The following AK9 variants were observed in gnomAD, a reference collection of about 807,000 sequenced individuals.
AK9 encodes adenylate kinase 9.
A neutral mutation model predicts 239.6 loss-of-function variants in AK9; 191 were observed. The ratio of observed to expected loss-of-function variants is 0.80; its 90% CI spans 0.71 to 0.90. AK9 has a LOEUF of 0.90. AK9 is among the 40% of genes least tolerant of loss of function. The pLI, the probability that AK9 is intolerant of heterozygous loss-of-function variation, is 0.00. For synonymous variants in AK9, 689 were observed against 721.0 expected (o/e 0.96, Z 0.71); for missense variants, 1,995 against 2,214.7 (o/e 0.90, Z 1.99).
chr6:109,600,290 G>C (rs7454858), intron 17 of AK9, among the ~76,000 whole-genome samples: 88,096 of 151,556 alleles, frequency 0.58, 27,243 homozygotes, highest in South Asian at 0.84. Context: ...AGCATGAAGG[G>C]CTGTTGAATT....
chr6:109,531,088 C>T lies in AK9; in HGVS notation c.3571-2015G>A, dbSNP rs75435553. Reference sequence around the variant, plus strand: ...AAAGAAACTACCAGATACGGGATTGCCAAAGCATACAATGTGGTGGCTGCT... The same window carrying T: ...AAAGAAACTACCAGATACGGGATTGTCAAAGCATACAATGTGGTGGCTGCT... On this transcript the variant is annotated intron_variant, in intron 28 of 40. Transcript: ENST00000424296. Among the ~76,000 whole-genome samples, 728 of 152,094 alleles carry T rather than the reference C, an allele frequency of 4.8e-3. 11 individuals carry two copies. Among genetic ancestry groups the T allele is most frequent in the African/African-American group, 0.017 (701 of 41,518 alleles).
Position 109,585,124 on chromosome 6 carries a change from TTGC to T in AK9, c.2110_2112del (p.Ala704del), listed in dbSNP as rs1444877169. 8.8e-7 allele frequency: 1 copy of T among 1,141,376 alleles called. No homozygotes were observed. The allele number at this position is 1,141,376 out of a possible 1,614,324, so 70.7% of individuals were successfully genotyped here. On this transcript the variant is annotated inframe_deletion and splice_region_variant, in exon 19 of 41. Coordinates refer to ENST00000424296, the MANE Select transcript of AK9 (RefSeq NM_001145128.3). ...TTTATCATTCTAGGCAGATTTTACC[TTGC>T]TTCTTCTTCTTCTTTTTTTTTCTTT...
At chr6:109,561,537 C>T (rs9487153) in intron 24 of AK9, among the ~76,000 whole-genome samples, 87,790 of 151,126 alleles carry the variant, frequency 0.58, 27,109 homozygotes, top group East Asian at 0.84. Context: ...TGTTCTTGAA[C>T]TCCTGAGCTG....
At chr6:109,686,620 C>T (rs962257055) in intron 1 of AK9, among the ~76,000 whole-genome samples, 1 of 152,184 alleles carries the variant, frequency 6.6e-6, no homozygotes, top group Admixed American at 6.5e-5. Context: ...TCCCACAATG[C>T]TGTGGTATGT....
At chr6:109,607,168 C>T (rs1167196897) in intron 17 of AK9, among the ~76,000 whole-genome samples, 1 of 152,100 alleles carries the variant, frequency 6.6e-6, no homozygotes, top group East Asian at 1.9e-4. Flanking sequence ...ACCCTAATAT[C>T]ATTTATAGAA....
At chr6:109,528,970 G>A (rs779115379) in intron 29 of AK9, 41 bp downstream of exon 29, 1 of 1,576,158 alleles carries the variant, frequency 6.3e-7, no homozygotes, top group African/African-American at 1.4e-5. Flanking sequence ...CTGGGCAACA[G>A]AGTGAGACCC....
chr6:109,506,232 C>T (rs903486756), intron 35 of AK9, 95 bp downstream of exon 35: 21 of 1,133,728 alleles, frequency 1.9e-5, no homozygotes, highest in Non-Finnish European at 2.6e-5. Context: ...TCACGCCTGA[C>T]TCATGTTCAA....
At chr6:109,684,078 C>A (rs1336671686) in intron 1 of AK9, among the ~76,000 whole-genome samples, 1 of 152,148 alleles carries the variant, frequency 6.6e-6, no homozygotes, top group African/African-American at 2.4e-5. Flanking sequence ...AGAACAGAGG[C>A]CTCAGAAATA....
intron 29 of AK9, among the ~76,000 whole-genome samples, chr6:109,525,565 A>T (rs1355283379): frequency 6.6e-6 from 1 of 152,212 alleles, no homozygotes; most frequent in African/African-American, 2.4e-5. Context: ...AAAATGCTCA[A>T]TGTCACTACT....
intron 19 of AK9, among the ~76,000 whole-genome samples, chr6:109,580,668 A>G (rs980795431): frequency 1.3e-5 from 2 of 152,148 alleles, no homozygotes; most frequent in Non-Finnish European, 2.9e-5. Flanking sequence ...CTCTTCTCCC[A>G]GCAGGTCGGC....
At chr6:109,685,968 T>G (rs762928030) in intron 1 of AK9, among the ~76,000 whole-genome samples, 1 of 152,236 alleles carries the variant, frequency 6.6e-6, no homozygotes, top group South Asian at 2.1e-4. Context: ...CAGTTGCAAC[T>G]GCTGTGCAGA....
intron 35 of AK9, among the ~76,000 whole-genome samples, chr6:109,502,800 C>T (rs777741012): frequency 1.3e-5 from 2 of 152,176 alleles, no homozygotes; most frequent in East Asian, 1.9e-4. Flanking sequence ...ACTTAAGGAA[C>T]GGAATCTTAC....
intron 8 of AK9, among the ~76,000 whole-genome samples, chr6:109,656,181 G>A (rs1171984374): frequency 6.6e-6 from 1 of 152,054 alleles, no homozygotes; most frequent in South Asian, 2.1e-4. Context: ...AGTCTTACCT[G>A]GACTTTTTAC....
At chr6:109,534,427 T>C (rs1582881575) in intron 27 of AK9, among the ~76,000 whole-genome samples, 1 of 150,118 alleles carries the variant, frequency 6.7e-6, no homozygotes, top group East Asian at 1.9e-4. Flanking sequence ...CCTGCTTATC[T>C]GAAATTTGGT....
In AK9 at chr6:109,641,519, T is replaced by C. The variant is rs773923993; in HGVS notation, c.932A>G (p.Asn311Ser). The change falls in exon 10 of 41, where the codon AAT becomes AGT. Residue 311 changes from asparagine (N) to serine (S), a missense_variant and splice_region_variant. By Grantham distance (46) the Asn-to-Ser change is conservative (BLOSUM62 1). Around this residue, in one of 5 missense-constraint regions of AK9, gnomAD observed 1,290 missense variants for 1,392.7 expected, o/e 0.93. Coordinates refer to ENST00000424296, the MANE Select transcript of AK9 (RefSeq NM_001145128.3). The part of the protein sequence containing the change: ...AEEEINDTME[N>S]DELFRTLASY... Reference sequence around the variant, plus strand: ...TTCAGACAGTTCCATATAACTTACATTTTCCATTGTGTCATTAATTTCTTC... The same window carrying C: ...TTCAGACAGTTCCATATAACTTACACTTTCCATTGTGTCATTAATTTCTTC... The C allele has an allele frequency of 6.2e-7, 1 of 1,609,834 alleles. No individual in the cohort carries two copies. Among genetic ancestry groups the C allele is most frequent in the Non-Finnish European group, 8.5e-7 (1 of 1,176,372 alleles).
chr6:109,495,985 A>T (rs1776994324), intron 38 of AK9, among the ~76,000 whole-genome samples: 1 of 151,040 alleles, frequency 6.6e-6, no homozygotes, highest in African/African-American at 2.4e-5. Context: ...CCCCATTTAA[A>T]AAAAAAAAAA....
At chr6:109,579,353 ATAT>A in intron 20 of AK9, 194 bp downstream of exon 20, 1 of 519,444 alleles carries the variant, frequency 1.9e-6, no homozygotes, top group Non-Finnish European at 3.4e-6. Flanking sequence ...TTCAGTAACA[ATAT>A]TATTTAGTAT....
chr6:109,682,461 C>T (rs1268261150), intron 1 of AK9, among the ~76,000 whole-genome samples: 2 of 144,938 alleles, frequency 1.4e-5, no homozygotes. Context: ...AATCCAGGAG[C>T]TGGTTTTTTG....
chr6:109,612,273 A>T (rs1179736207), intron 15 of AK9, among the ~76,000 whole-genome samples, 180 bp from the exon 16 acceptor site: 1 of 152,198 alleles, frequency 6.6e-6, no homozygotes, highest in African/African-American at 2.4e-5. Flanking sequence ...TGAACATAAT[A>T]ACAAAACCAG....
Sources: gnomAD v4.1 joint callset for allele counts (sites outside exome capture counted in the v4.1 genomes callset) on GRCh38, gnomAD v4.1.1 for gene constraint, gnomAD v4.1.1 regional missense constraint, MANE v1.5 for transcripts, NCBI Gene and HGNC (gene_info 2026-07-23, HGNC 2026-07-21) for gene names.